ZNF519: variants seen among roughly 807,000 people sequenced by gnomAD.
ZNF519 encodes similar to Zinc finger protein 85 (Zinc finger protein HPF4) (HTF1).
Under a neutral mutation model 7.4 loss-of-function variants are expected in ZNF519, and 7 were observed. The observed-to-expected ratio is 0.94, with a 90% CI of 0.54 to 1.77. ZNF519 has a LOEUF of 1.77. ZNF519 is among the 40% of genes most tolerant of loss of function. ZNF519 has a pLI of 0.00. For synonymous variants in ZNF519, 179 were observed against 203.3 expected, an observed-to-expected ratio of 0.88 and a Z score of 1.02; for missense variants, 586 against 623.1, an observed-to-expected ratio of 0.94 and a Z score of 0.63.
rs770690468 is a variant in ZNF519, at chr18:14,101,757, A to C, written c.*3160T>G. 2.5e-6 allele frequency: 1 copy of C among 398,492 alleles called. No individual in the cohort carries two copies. Among genetic ancestry groups the C allele is most frequent in the South Asian group, 1.3e-4 (1 of 7,848 alleles). 24.7% of individuals were successfully genotyped at this position (398,492 alleles called of 1,614,324 possible). On this transcript the variant is annotated 3_prime_UTR_variant, in exon 3 of 3. Transcript: ENST00000590202. ...TGAAGTGTCCATCAGTTCTTTGATG[A>C]TGTTCTGTGTGGAGCTCTGCAAAGA... is the stretch of plus-strand genomic sequence containing the variant.
At chr18:14,118,342 G>A (rs930749238) in intron 2 of ZNF519, among the ~76,000 whole-genome samples, 12 of 152,204 alleles carry the variant, frequency 7.9e-5, no homozygotes, top group African/African-American at 1.2e-4. Context: ...ACAGGGGTGA[G>A]CCACTGCGCC....
chr18:14,082,287 A>G (rs1038773670), intron 3 of ZNF519: 3 of 152,224 alleles, frequency 2.0e-5, no homozygotes, highest in Non-Finnish European at 1.5e-5. Flanking sequence ...ACAGCATAAT[A>G]TAAATTCTTA....
intron 3 of ZNF519, among the ~76,000 whole-genome samples, chr18:14,079,215 G>A (rs1269343713): frequency 6.6e-6 from 1 of 152,174 alleles, no homozygotes; most frequent in Admixed American, 6.5e-5. Context: ...CTCAGCACAG[G>A]AGGGAGACCT....
chr18:14,130,725 C>T (rs1471295786), intron 1 of ZNF519, among the ~76,000 whole-genome samples: 2 of 151,866 alleles, frequency 1.3e-5, no homozygotes, highest in Non-Finnish European at 2.9e-5. Flanking sequence ...AGGTTAGTTT[C>T]TCTCCCTTCG....
downstream of ZNF519, among the ~76,000 whole-genome samples, chr18:14,097,131 T>C (rs1013229306): frequency 2.6e-5 from 4 of 152,180 alleles, no homozygotes; most frequent in Admixed American, 2.6e-4. Context: ...ATGAAGTAGT[T>C]CCTTTTGGCT....
downstream of ZNF519, among the ~76,000 whole-genome samples, chr18:14,099,744 G>T (rs2046151551): frequency 6.6e-6 from 1 of 152,140 alleles, no homozygotes; most frequent in African/African-American, 2.4e-5. Context: ...GAGCCACCTT[G>T]TGTGCAAAAA....
At chr18:14,097,166 A>C (rs1180944592), downstream of ZNF519, among the ~76,000 whole-genome samples, 1 of 152,214 alleles carries the variant, frequency 6.6e-6, no homozygotes, top group Admixed American at 6.5e-5. Flanking sequence ...ATGAGAGGTG[A>C]GCAGTAAAAA....
At chr18:14,112,348 A>G (rs1265644167) in intron 2 of ZNF519, among the ~76,000 whole-genome samples, 1 of 152,172 alleles carries the variant, frequency 6.6e-6, no homozygotes, top group African/African-American at 2.4e-5. Context: ...TGACACTCAC[A>G]TTATATGATA....
chr18:14,090,249 T>A (rs1389287356), intron 2 of ZNF519: 1 of 152,184 alleles, frequency 6.6e-6, no homozygotes, highest in African/African-American at 2.4e-5. Context: ...AAACGGCACT[T>A]GTGTTCAGAG....
intron 2 of ZNF519, among the ~76,000 whole-genome samples, chr18:14,106,817 G>C (rs1203242117): frequency 6.6e-6 from 1 of 152,064 alleles, no homozygotes; most frequent in Non-Finnish European, 1.5e-5. Flanking sequence ...CACTGGGATT[G>C]TGAGCACTGA....
At chr18:14,124,522 G>C (rs2046287225) in intron 1 of ZNF519, 46 bp from the exon 2 acceptor site, 1 of 1,589,096 alleles carries the variant, frequency 6.3e-7, no homozygotes, top group African/African-American at 1.4e-5. Context: ...TTTGACTAGA[G>C]ATGAAATGAG....
chr18:14,111,960 C>T (rs1294526500), intron 2 of ZNF519, among the ~76,000 whole-genome samples: 1 of 151,986 alleles, frequency 6.6e-6, no homozygotes, highest in Non-Finnish European at 1.5e-5. Flanking sequence ...AGACAAACGC[C>T]TATCAAAAAA....
In ZNF519 at chr18:14,117,690, G is replaced by A. The variant is rs556701357; in HGVS notation, c.130+6660C>T. ...GCATAGCAGCTTCTGCTTCTGTGTC[G>A]GCCTCAAAAAGCTTCCAATCACAGC... On this transcript the variant is annotated intron_variant, in intron 2 of 2. Transcript: ENST00000590202. 2.0e-4 allele frequency among the ~76,000 whole-genome samples: 30 copies of A among 152,162 alleles called. No homozygotes were observed. In the East Asian group the frequency reaches 3.3e-3, roughly 17 times the overall value.
At chr18:14,080,017 TA>T (rs1054430774) in intron 3 of ZNF519, among the ~76,000 whole-genome samples, 1 of 151,800 alleles carries the variant, frequency 6.6e-6, no homozygotes, top group African/African-American at 2.4e-5. Context: ...TCGTAGCTCT[TA>T]AAACTCAAAA....
chr18:14,105,314 C>T lies in ZNF519; in HGVS notation c.1226G>A (p.Cys409Tyr), dbSNP rs915094500. ...TGEKPFKCKE[C>Y]GKAFNRASHL... The stretch of plus-strand genomic sequence containing the variant: ...TGAAGCTCTGTTAAAAGCTTTGCCA[C>T]ATTCCTTACACTTGAAAGGTTTCTC... The change falls in exon 3 of 3, where the codon TGT becomes TAT. Residue 409 changes from cysteine to tyrosine, a missense_variant. By Grantham distance (194) the Cys-to-Tyr change is radical. Coordinates refer to ENST00000590202, the MANE Select transcript of ZNF519 (RefSeq NM_145287.4). The T allele has an allele frequency of 5.0e-6, 8 of 1,613,868 alleles. No individual in the cohort carries two copies. The highest frequency in any genetic ancestry group is 5.9e-6 in the Non-Finnish European group (7 of 1,179,934).
chr18:14,093,538 T>A (rs1199739295), intron 2 of ZNF519, among the ~76,000 whole-genome samples: 1 of 152,292 alleles, frequency 6.6e-6, no homozygotes, highest in East Asian at 1.9e-4. Context: ...TACATATTCT[T>A]AATGGCTACT....
chr18:14,077,913 G>A (rs1002593527), intron 4 of ZNF519, among the ~76,000 whole-genome samples: 7 of 152,182 alleles, frequency 4.6e-5, no homozygotes, highest in Admixed American at 4.6e-4. Context: ...AGGTTACGGT[G>A]CAAATAGGCA....
chr18:14,114,629 G>C (rs1390874596), intron 2 of ZNF519, among the ~76,000 whole-genome samples: 1 of 152,158 alleles, frequency 6.6e-6, no homozygotes, highest in South Asian at 2.1e-4. Context: ...TGGAGGGAGA[G>C]AGCAGAATTG....
At position 14,132,432 on chromosome 18, in the gene ZNF519, G is replaced by A. The variant is rs2046336106; in HGVS notation, c.-155C>T. ...TAACCCCGCGCTCTGGCTGAAGTGA[G>A]ACAAAGGCCGCGCCAGATTCCGGAA... is the stretch of plus-strand genomic sequence containing the variant. On this transcript the variant is annotated 5_prime_UTR_variant, in exon 1 of 3. Transcript: ENST00000590202. 3.4e-6 allele frequency: 3 copies of A among 871,226 alleles called. No individual in the cohort carries two copies. The highest frequency in any genetic ancestry group is 3.6e-6 in the Non-Finnish European group (2 of 552,538). 54.0% of individuals were successfully genotyped at this position (871,226 alleles called of 1,614,324 possible).
Sources: gnomAD v4.1 joint callset for allele counts (sites outside exome capture counted in the v4.1 genomes callset) on GRCh38, gnomAD v4.1.1 for gene constraint, MANE v1.5 for transcripts, NCBI Gene and HGNC (gene_info 2026-07-23, HGNC 2026-07-21) for gene names.